Variants in CSMD1 observed in about 807,000 individuals in gnomAD.
CSMD1 encodes the protein CUB and sushi domain-containing protein 1.
A neutral mutation model predicts 417.5 loss-of-function variants in CSMD1; 213 were observed. The observed-to-expected ratio is 0.51, with a 90% CI of 0.46 to 0.57. CSMD1 has a LOEUF of 0.57. Among genes scored for constraint, CSMD1 ranks in the 20% least tolerant of loss-of-function variants. The probability of loss-of-function intolerance (pLI) is 0.00; values close to 1 mark genes in which losing one functional copy is unlikely to be tolerated. For missense variants in CSMD1, 6,923 were observed against 4,529.7 expected, an observed-to-expected ratio of 1.53 and a Z score of -15.17; for synonymous variants, 2,862 against 1,736.8, an observed-to-expected ratio of 1.65 and a Z score of -16.11.
intron 1 of CSMD1, among the ~76,000 whole-genome samples, chr8:4,694,344 CTTTTT>C (rs550722091): frequency 6.6e-6 from 1 of 151,864 alleles, no homozygotes; most frequent in Non-Finnish European, 1.5e-5. Flanking sequence ...CAAAGTACTT[CTTTTT>C]TTTATTTTTT....
At chr8:4,674,749 G>C (rs543697157) in intron 1 of CSMD1, among the ~76,000 whole-genome samples, 1 of 152,160 alleles carries the variant, frequency 6.6e-6, no homozygotes, top group Non-Finnish European at 1.5e-5. Context: ...AAGGTTTCCT[G>C]GCCTAGAGTA....
At chr8:3,955,450 G>T (rs79037714) in intron 5 of CSMD1, among the ~76,000 whole-genome samples, 7 of 152,124 alleles carry the variant, frequency 4.6e-5, no homozygotes, top group African/African-American at 1.7e-4. Context: ...ATGAAAAAAT[G>T]TAGAAATAAA....
intron 1 of CSMD1, among the ~76,000 whole-genome samples, chr8:4,780,082 G>A (rs903261800): frequency 6.6e-6 from 1 of 152,112 alleles, no homozygotes. Flanking sequence ...GATGTCTGTT[G>A]AATATGATAC....
At position 4,219,654 on chromosome 8, in the gene CSMD1, G is replaced by C. The variant is rs1197320709; in HGVS notation, c.416-187555C>G. Among the ~76,000 whole-genome samples, 8 of 152,276 alleles carry C rather than the reference G, an allele frequency of 5.3e-5. No individual in the cohort carries two copies. The East Asian group carries it at 1.5e-3, about 29-fold the overall frequency. On this transcript the variant is annotated intron_variant, in intron 3 of 69. Coordinates refer to ENST00000635120, the MANE Select transcript of CSMD1 (RefSeq NM_033225.6). ...AAGCAAATCTTTGTTCACTAATGAA[G>C]AGTGAGATCATTTGGATAATACTGC...
chr8:3,828,261 G>A (rs1480386225), intron 5 of CSMD1, among the ~76,000 whole-genome samples: 4 of 152,120 alleles, frequency 2.6e-5, no homozygotes, highest in Non-Finnish European at 5.9e-5. Context: ...CGTTATGTAA[G>A]ATCTGATGGC....
At chr8:4,669,692 G>A (rs1045150467) in intron 1 of CSMD1, among the ~76,000 whole-genome samples, 2 of 152,022 alleles carry the variant, frequency 1.3e-5, no homozygotes, top group Non-Finnish European at 2.9e-5. Context: ...TTGCTAACTT[G>A]AACATTTCTG....
At chr8:3,941,228 A>C (rs538673838) in intron 5 of CSMD1, among the ~76,000 whole-genome samples, 2 of 152,258 alleles carry the variant, frequency 1.3e-5, no homozygotes, top group Non-Finnish European at 2.9e-5. Flanking sequence ...AGTTCCTAGC[A>C]AATGTATTAA....
chr8:3,330,435 G>C (rs996839736), intron 23 of CSMD1, among the ~76,000 whole-genome samples: 1 of 152,196 alleles, frequency 6.6e-6, no homozygotes, highest in African/African-American at 2.4e-5. Context: ...ATGAGATCAT[G>C]TCTTTTGTGA....
chr8:3,562,149 T>A (rs1212178298), intron 10 of CSMD1, among the ~76,000 whole-genome samples: 5 of 149,554 alleles, frequency 3.3e-5, no homozygotes, highest in Non-Finnish European at 7.4e-5. Flanking sequence ...AAAAAAAAAA[T>A]CCACTGTAAA....
chr8:4,659,656 T>G (rs1041123469), intron 1 of CSMD1, among the ~76,000 whole-genome samples: 1 of 151,830 alleles, frequency 6.6e-6, no homozygotes, highest in African/African-American at 2.4e-5. Flanking sequence ...GACAGGGGAG[T>G]GACTGTTTAA....
chr8:4,268,089 T>C (rs769395891), intron 3 of CSMD1, among the ~76,000 whole-genome samples: 6 of 152,108 alleles, frequency 3.9e-5, no homozygotes, highest in Admixed American at 1.3e-4. Flanking sequence ...AATTGAAACA[T>C]TGTTACAAAA....
chr8:4,508,694 C>G (rs1046354270), intron 2 of CSMD1, among the ~76,000 whole-genome samples: 2 of 152,050 alleles, frequency 1.3e-5, no homozygotes, highest in Non-Finnish European at 2.9e-5. Flanking sequence ...GGTAGTGGGT[C>G]TGGAACCATT....
intron 26 of CSMD1, among the ~76,000 whole-genome samples, chr8:3,262,228 T>TC (rs1563199509): frequency 1.3e-5 from 1 of 78,166 alleles, no homozygotes; most frequent in Non-Finnish European, 2.7e-5. Context: ...TATATATATA[T>TC]ATACACACAC....
intron 5 of CSMD1, among the ~76,000 whole-genome samples, chr8:3,854,117 ATTATAC>A (rs1397949685): frequency 6.9e-6 from 1 of 145,352 alleles, no homozygotes; most frequent in African/African-American, 2.5e-5. Context: ...ATAGTTATAT[ATTATAC>A]TTATATATAT....
chr8:2,944,217 A>G (rs761983562), intron 68 of CSMD1, among the ~76,000 whole-genome samples: 1 of 152,204 alleles, frequency 6.6e-6, no homozygotes, highest in Non-Finnish European at 1.5e-5. Context: ...AGTGAAGCCA[A>G]TTGGGTGTTC....
intron 2 of CSMD1, among the ~76,000 whole-genome samples, chr8:4,583,991 G>T (rs369306549): frequency 6.6e-6 from 1 of 151,720 alleles, no homozygotes; most frequent in East Asian, 1.9e-4. Flanking sequence ...CAAGCCCACC[G>T]GGAGGGGAGG....
rs187394218 is a variant in CSMD1 at position 4,170,541 on chromosome 8, T to C, written c.416-138442A>G. On this transcript the variant is annotated intron_variant, in intron 3 of 69. Transcript: ENST00000635120. ...AGAGGTAAAGTCTATAGTCGGAGTA[T>C]TGGAATATGGAACATGGACAATGGA... 1.6e-4 allele frequency among the ~76,000 whole-genome samples: 24 copies of C among 151,982 alleles called. 1 individual carries two copies. The highest frequency in any genetic ancestry group is 7.2e-4 in the Admixed American group (11 of 15,288).
chr8:4,968,136 G>C (rs1205137376), intron 1 of CSMD1, among the ~76,000 whole-genome samples: 11 of 151,996 alleles, frequency 7.2e-5, no homozygotes, highest in Non-Finnish European at 1.0e-4. Context: ...TTTTTATTAA[G>C]CAGCAAAAAT....
intron 7 of CSMD1, among the ~76,000 whole-genome samples, chr8:3,690,721 G>C (rs942007749): frequency 1.3e-5 from 2 of 152,096 alleles, no homozygotes; most frequent in Non-Finnish European, 2.9e-5. Flanking sequence ...ATACATCTTT[G>C]CCACAGTTTG....
Sources: allele counts gnomAD v4.1 joint callset (sites outside exome capture counted in the v4.1 genomes callset), GRCh38; gene constraint gnomAD v4.1.1; transcripts MANE v1.5; gene names NCBI Gene and HGNC (gene_info 2026-07-23, HGNC 2026-07-21).